Variants in SLCO2B1 observed in about 807,000 individuals in gnomAD.
SLCO2B1 encodes solute carrier organic anion transporter family member 2B1, also known as OATP-RP2.
SLCO2B1 carries 41 observed loss-of-function variants against 67.3 expected under a neutral mutation model. The ratio of observed to expected loss-of-function variants is 0.61; its 90% confidence interval spans 0.47 to 0.79. The LOEUF is 0.79. Ranked by LOEUF, SLCO2B1 falls within the 30% of genes least tolerant of loss-of-function variation. The pLI is 0.00. For synonymous variants in SLCO2B1, 379 were observed against 381.4 expected (o/e 0.99, Z 0.07); for missense variants, 837 against 920.1 (o/e 0.91, Z 1.17).
intron 1 of SLCO2B1, among the ~76,000 whole-genome samples, chr11:75,156,059 A>C (rs1037908089): frequency 6.6e-6 from 1 of 152,140 alleles, no homozygotes; most frequent in Non-Finnish European, 1.5e-5. Flanking sequence ...GGCATAGGAC[A>C]TTTTCCTTTA....
chr11:75,173,045 G>T (rs1189222326), intron 7 of SLCO2B1, among the ~76,000 whole-genome samples: 1 of 152,152 alleles, frequency 6.6e-6, no homozygotes, highest in East Asian at 1.9e-4. Flanking sequence ...CCACAGCTGA[G>T]GAGACCCAGA....
chr11:75,201,448 G>C (rs1013809027), intron 11 of SLCO2B1: 1 of 152,174 alleles, frequency 6.6e-6, no homozygotes, highest in Non-Finnish European at 1.5e-5. Context: ...CCTAGCCAGT[G>C]TCCCCCAATT....
chr11:75,177,295 T>G (rs568430301), intron 7 of SLCO2B1, among the ~76,000 whole-genome samples: 1 of 152,338 alleles, frequency 6.6e-6, no homozygotes, highest in South Asian at 2.1e-4. Flanking sequence ...GTTCTGTTCC[T>G]AAAAACCAGC....
At chr11:75,196,362 CA>C in intron 9 of SLCO2B1, 151 bp from the exon 10 acceptor site, 3 of 719,384 alleles carry the variant, frequency 4.2e-6, no homozygotes, top group Non-Finnish European at 6.8e-6. Flanking sequence ...AGCTCACTAT[CA>C]CGCCATCATC....
At chr11:75,175,004 G>A (rs1010454678) in intron 7 of SLCO2B1, among the ~76,000 whole-genome samples, 13 of 152,142 alleles carry the variant, frequency 8.5e-5, no homozygotes, top group East Asian at 3.9e-4. Context: ...TCCTTGAGTC[G>A]GAGCTGCTAT....
intron 7 of SLCO2B1, among the ~76,000 whole-genome samples, chr11:75,184,713 C>T (rs1004079115): frequency 3.3e-5 from 5 of 152,188 alleles, no homozygotes; most frequent in Non-Finnish European, 5.9e-5. Flanking sequence ...GAATTGCTTC[C>T]GTGGGCCCTA....
At chr11:75,200,142 C>A (rs1945160473) in intron 10 of SLCO2B1, 82 bp from the exon 11 acceptor site, 1 of 1,450,782 alleles carries the variant, frequency 6.9e-7, no homozygotes, top group Non-Finnish European at 9.3e-7. Flanking sequence ...GGGCCTCTCA[C>A]AAGCCTTCCC....
At position 75,202,588 on chromosome 11, in the gene SLCO2B1, G is replaced by A. The variant is rs1353474091; in HGVS notation, c.1764-313G>A. 11 of 361,014 alleles carry A rather than the reference G, an allele frequency of 3.0e-5. No individual in the cohort carries two copies. In the Admixed American group the frequency reaches 3.9e-4, roughly 13 times the overall value. The allele number at this position is 361,014 out of a possible 1,614,324, so 22.4% of individuals were successfully genotyped here. ...CCAGCTCCAGGTCTTGCCAACTGTA[G>A]GAGTAAGGGGAGAATTTGATGGGAC... On this transcript the variant is annotated intron_variant, in intron 11 of 13. Coordinates refer to ENST00000289575, the MANE Select transcript of SLCO2B1 (RefSeq NM_007256.5).
chr11:75,186,261 T>A (rs1255717223), intron 7 of SLCO2B1, among the ~76,000 whole-genome samples: 1 of 150,598 alleles, frequency 6.6e-6, no homozygotes, highest in Non-Finnish European at 1.5e-5. Flanking sequence ...CAGGCTGGAG[T>A]GCAGTGGTAC....
At chr11:75,188,063 C>A in intron 7 of SLCO2B1, 73 bp from the exon 8 acceptor site, 1 of 1,037,466 alleles carries the variant, frequency 9.6e-7, no homozygotes, top group Non-Finnish European at 1.5e-6. Flanking sequence ...ACCTCTCCTC[C>A]CCAGCCCACA....
chr11:75,203,123 G>A, intron 12 of SLCO2B1, 158 bp downstream of exon 12: 3 of 1,137,316 alleles, frequency 2.6e-6, no homozygotes, highest in East Asian at 2.4e-5. Flanking sequence ...CTAGAGCGGG[G>A]TATAGAGGCA....
At chr11:75,186,332 C>A (rs886652822) in intron 7 of SLCO2B1, among the ~76,000 whole-genome samples, 6 of 151,938 alleles carry the variant, frequency 3.9e-5, no homozygotes, top group South Asian at 2.1e-4. Context: ...CCTCAGCCCC[C>A]CTAGTAGCTG....
chr11:75,199,546 C>G (rs1945151367), intron 10 of SLCO2B1: 1 of 152,396 alleles, frequency 6.6e-6, no homozygotes, highest in African/African-American at 2.4e-5. Flanking sequence ...CCTTTTCACA[C>G]TGGGAAGTGT....
At chr11:75,169,976 G>A in intron 6 of SLCO2B1, 1 of 553,552 alleles carries the variant, frequency 1.8e-6, no homozygotes. Flanking sequence ...CAGCGAGATG[G>A]TGGAGATAAA....
chr11:75,179,726 G>GGTTTT (rs747391777), intron 7 of SLCO2B1, among the ~76,000 whole-genome samples: 49 of 151,982 alleles, frequency 3.2e-4, no homozygotes, highest in South Asian at 8.3e-4. Context: ...CTTAGTTGTT[G>GGTTTT]GTTTTGTTTT....
At chr11:75,191,032 T>A (rs1220759064) in intron 8 of SLCO2B1, among the ~76,000 whole-genome samples, 1 of 151,976 alleles carries the variant, frequency 6.6e-6, no homozygotes, top group East Asian at 1.9e-4. Context: ...TGAGGAGAGA[T>A]GGGGGATGGC....
intron 7 of SLCO2B1, among the ~76,000 whole-genome samples, chr11:75,186,401 G>T (rs1001888278): frequency 6.6e-6 from 1 of 152,004 alleles, no homozygotes; most frequent in Admixed American, 6.6e-5. Flanking sequence ...TAGAGACAGG[G>T]TTTAGTCATG....
Position 75,191,143 on chromosome 11 carries a change from G to A in SLCO2B1, c.1076-2075G>A, listed in dbSNP as rs190460392. Among the ~76,000 whole-genome samples, 182 of 152,210 alleles carry A rather than the reference G, an allele frequency of 1.2e-3. 1 individual carries two copies. Among genetic ancestry groups the A allele is most frequent in the Non-Finnish European group, 1.7e-3 (114 of 68,000 alleles). On this transcript the variant is annotated intron_variant, in intron 8 of 13. Coordinates refer to ENST00000289575, the MANE Select transcript of SLCO2B1 (RefSeq NM_007256.5). ...GGCAGCCAGAGAGGCACAGGATGGG[G>A]GAGGGAGGATAGAAGGGAGGATGGA...
At chr11:75,189,904 A>G (rs796121512) in intron 8 of SLCO2B1, among the ~76,000 whole-genome samples, 1 of 151,218 alleles carries the variant, frequency 6.6e-6, no homozygotes, top group African/African-American at 2.4e-5. Context: ...TGAGGCTGCA[A>G]TGAGCTGTGA....
Sources: gnomAD v4.1 joint callset for allele counts (sites outside exome capture counted in the v4.1 genomes callset) on GRCh38, gnomAD v4.1.1 for gene constraint, MANE v1.5 for transcripts, NCBI Gene and HGNC (gene_info 2026-07-23, HGNC 2026-07-21) for gene names.